Variants in UBE4B observed in about 807,000 individuals in gnomAD.
UBE4B encodes the protein ubiquitination factor E4B.
Under a neutral mutation model 148.1 loss-of-function variants are expected in UBE4B, and 27 were observed. The ratio of observed to expected loss-of-function variants is 0.18; its 90% CI spans 0.13 to 0.25. The LOEUF (loss-of-function observed/expected upper bound fraction) is 0.25. UBE4B is among the 10% of genes least tolerant of loss of function. UBE4B has a pLI of 1.00. For missense variants in UBE4B, 1,170 were observed against 1,662.4 expected (o/e 0.70, Z 5.15); for synonymous variants, 596 against 619.3 (o/e 0.96, Z 0.56).
intron 1 of UBE4B, among the ~76,000 whole-genome samples, chr1:10,070,484 C>T (rs1298542681): frequency 6.6e-6 from 1 of 150,544 alleles, no homozygotes; most frequent in Non-Finnish European, 1.5e-5. Context: ...CCTAGAATCT[C>T]ACTCCTGCCT....
At chr1:10,142,075 A>G (rs1645792041) in intron 17 of UBE4B, among the ~76,000 whole-genome samples, 1 of 152,018 alleles carries the variant, frequency 6.6e-6, no homozygotes, top group South Asian at 2.1e-4. Context: ...CCACCACATA[A>G]TTAGAGGTAG....
intron 25 of UBE4B, among the ~76,000 whole-genome samples, chr1:10,173,554 A>C (rs1043603147): frequency 1.3e-5 from 2 of 152,114 alleles, no homozygotes; most frequent in African/African-American, 2.4e-5. Flanking sequence ...CGACTATATA[A>C]TACTGCACTG....
chr1:10,162,877 T>G (rs957935935), intron 23 of UBE4B, among the ~76,000 whole-genome samples: 1 of 152,090 alleles, frequency 6.6e-6, no homozygotes, highest in Non-Finnish European at 1.5e-5. Context: ...CTTTTCTTCT[T>G]ATGTATTAAA....
At chr1:10,167,387 C>T (rs960165154) in intron 23 of UBE4B, among the ~76,000 whole-genome samples, 4 of 151,212 alleles carry the variant, frequency 2.6e-5, no homozygotes, top group Non-Finnish European at 5.9e-5. Context: ...TCCGGTGAGC[C>T]GAGATCGCGC....
chr1:10,103,836 C>T (rs1233259712), intron 5 of UBE4B, among the ~76,000 whole-genome samples: 2 of 152,110 alleles, frequency 1.3e-5, no homozygotes, highest in East Asian at 3.9e-4. Context: ...CCATGTTGGC[C>T]AGGACGGTCT....
intron 17 of UBE4B, among the ~76,000 whole-genome samples, chr1:10,144,630 G>C (rs1378609663): frequency 6.6e-6 from 1 of 151,808 alleles, no homozygotes; most frequent in Non-Finnish European, 1.5e-5. Flanking sequence ...AGCTACTTGG[G>C]AGTTTGAGGC....
chr1:10,054,934 C>T (rs973501717), intron 1 of UBE4B, among the ~76,000 whole-genome samples: 1 of 151,866 alleles, frequency 6.6e-6, no homozygotes, highest in Non-Finnish European at 1.5e-5. Context: ...TACAGGCATG[C>T]ACCACCATGC....
At chr1:10,169,756 T>C (rs1471999186) in intron 24 of UBE4B, among the ~76,000 whole-genome samples, 1 of 152,226 alleles carries the variant, frequency 6.6e-6, no homozygotes, top group African/African-American at 2.4e-5. Context: ...GGCTCATGCC[T>C]GTAATCCCAG....
chr1:10,055,284 T>C (rs1276424953), intron 1 of UBE4B, among the ~76,000 whole-genome samples: 1 of 151,614 alleles, frequency 6.6e-6, no homozygotes. Context: ...TTTTCTTTTC[T>C]TTTCTTTTCT....
At chr1:10,129,491 A>G in intron 12 of UBE4B, 43 bp downstream of exon 12, 2 of 1,580,350 alleles carry the variant, frequency 1.3e-6, no homozygotes, top group Non-Finnish European at 8.7e-7. Context: ...CAGTGAATAT[A>G]TCATAACCCA....
At chr1:10,054,759 G>A (rs2101800206) in intron 1 of UBE4B, 1 of 185,572 alleles carries the variant, frequency 5.4e-6, no homozygotes, top group South Asian at 1.1e-4. Flanking sequence ...CCATTCCCTT[G>A]GTGTCTGTAA....
chr1:10,076,991 C>G (rs1013036733), intron 2 of UBE4B, among the ~76,000 whole-genome samples: 1 of 151,888 alleles, frequency 6.6e-6, no homozygotes, highest in African/African-American at 2.4e-5. Context: ...ATGATCCTCC[C>G]GCCTCAGCCT....
chr1:10,169,338 T>C (rs916787495), intron 24 of UBE4B, among the ~76,000 whole-genome samples: 3 of 152,200 alleles, frequency 2.0e-5, no homozygotes, highest in African/African-American at 4.8e-5. Flanking sequence ...CTGTATTTGC[T>C]CTTACCTTCG....
rs139852529 is a variant in UBE4B, at chr1:10,058,390, G to A, written c.25-13638G>A. ...ATTCATCCTGTAACATTTCTCTATT[G>A]CTTGGAAGCCTTGGTACTTTACTTG... On this transcript the variant is annotated intron_variant, in intron 1 of 27. Transcript: ENST00000343090. 4.2e-3 allele frequency among the ~76,000 whole-genome samples: 643 copies of A among 152,240 alleles called. 3 individuals are homozygous for A. The highest frequency in any genetic ancestry group is 7.7e-3 in the Non-Finnish European group (522 of 68,026).
chr1:10,169,939 CA>C (rs1264101669), intron 24 of UBE4B, among the ~76,000 whole-genome samples: 2 of 152,154 alleles, frequency 1.3e-5, no homozygotes, highest in Non-Finnish European at 2.9e-5. Context: ...CACTTGAACC[CA>C]AAAGGCAGAG....
intron 7 of UBE4B, among the ~76,000 whole-genome samples, chr1:10,110,668 TTTG>T (rs746832656): frequency 6.6e-6 from 1 of 152,194 alleles, no homozygotes; most frequent in East Asian, 1.9e-4. Flanking sequence ...TGGTTTTGTG[TTTG>T]TTTTTTAACT....
intron 19 of UBE4B, among the ~76,000 whole-genome samples, chr1:10,148,282 A>G (rs114572380): frequency 0.017 from 2,603 of 151,710 alleles, 34 homozygotes; most frequent in Non-Finnish European, 0.027. Flanking sequence ...GCACAAAATG[A>G]CCAAATAGGA....
chr1:10,105,145 TGGG>T (rs1645084356), intron 5 of UBE4B, among the ~76,000 whole-genome samples: 1 of 152,226 alleles, frequency 6.6e-6, no homozygotes, highest in Non-Finnish European at 1.5e-5. Flanking sequence ...CCTCTATAGT[TGGG>T]AGTAGCTTCT....
intron 7 of UBE4B, among the ~76,000 whole-genome samples, chr1:10,110,165 G>A (rs1002919496): frequency 2.0e-5 from 3 of 152,170 alleles, no homozygotes; most frequent in Admixed American, 6.5e-5. Context: ...GGGTTGGATC[G>A]CTCTCTCCAT....
Sources: allele counts gnomAD v4.1 joint callset (sites outside exome capture counted in the v4.1 genomes callset), GRCh38; gene constraint gnomAD v4.1.1; transcripts MANE v1.5; gene names NCBI Gene and HGNC (gene_info 2026-07-23, HGNC 2026-07-21).